The following DAB1 variants were observed in gnomAD, a reference collection of about 807,000 sequenced individuals.
DAB1 encodes the protein DAB adaptor protein 1.
Under a neutral mutation model 64.6 loss-of-function variants are expected in DAB1, and 15 were observed. That is an observed-to-expected ratio of 0.23 (90% CI 0.16 to 0.36). The LOEUF is 0.36. DAB1 is among the 10% of genes least tolerant of loss of function. The pLI is 1.00. For synonymous variants in DAB1, 235 were observed against 251.9 expected (o/e 0.93, Z 0.64); for missense variants, 596 against 706.7 (o/e 0.84, Z 1.78).
At chr1:58,538,765 A>G (rs766260183) in intron 1 of DAB1, 1 of 724,080 alleles carries the variant, frequency 1.4e-6, no homozygotes, top group South Asian at 2.1e-5. Flanking sequence ...AAGTTAATAT[A>G]AAAGTTTTTA....
chr1:57,110,423 T>C (rs1655552087), intron 4 of DAB1, among the ~76,000 whole-genome samples: 1 of 152,216 alleles, frequency 6.6e-6, no homozygotes, highest in South Asian at 2.1e-4. Flanking sequence ...CTCAACTCTT[T>C]AACATCTGTT....
intron 5 of DAB1, among the ~76,000 whole-genome samples, chr1:57,952,034 T>C (rs1210773242): frequency 1.3e-5 from 2 of 152,208 alleles, no homozygotes; most frequent in Admixed American, 1.3e-4. Flanking sequence ...CATTCATTCT[T>C]TCTTCCTTTT....
intron 4 of DAB1, among the ~76,000 whole-genome samples, chr1:58,165,701 A>T (rs1423993620): frequency 6.6e-6 from 1 of 152,178 alleles, no homozygotes; most frequent in Non-Finnish European, 1.5e-5. Context: ...AACCAACTAA[A>T]ATTTTGTAGA....
chr1:58,456,675 G>T (rs914250807), intron 3 of DAB1, among the ~76,000 whole-genome samples: 1 of 152,146 alleles, frequency 6.6e-6, no homozygotes, highest in African/African-American at 2.4e-5. Context: ...CACAAATCTC[G>T]AAAATATCCA....
chr1:58,043,456 G>A (rs955822658), intron 5 of DAB1, among the ~76,000 whole-genome samples: 4 of 152,084 alleles, frequency 2.6e-5, no homozygotes, highest in African/African-American at 9.7e-5. Context: ...TACATGGATC[G>A]ATACCTTTAC....
intron 9 of DAB1, among the ~76,000 whole-genome samples, chr1:57,061,469 C>A (rs1650394077): frequency 6.6e-6 from 1 of 152,176 alleles, no homozygotes; most frequent in Non-Finnish European, 1.5e-5. Context: ...AAGTGGTCTG[C>A]AAGTCTTGTT....
chr1:57,184,622 C>T (rs1315100039), intron 2 of DAB1, among the ~76,000 whole-genome samples: 1 of 152,170 alleles, frequency 6.6e-6, no homozygotes, highest in Non-Finnish European at 1.5e-5. Context: ...TTCCATTTCT[C>T]CCCACCTATT....
chr1:58,262,222 T>C (rs1661062625), intron 4 of DAB1, among the ~76,000 whole-genome samples: 2 of 151,734 alleles, frequency 1.3e-5, no homozygotes, highest in Non-Finnish European at 2.9e-5. Flanking sequence ...CACTAAGGAG[T>C]GGCCAGAGAT....
chr1:58,040,423 C>G (rs1022170898), intron 5 of DAB1, among the ~76,000 whole-genome samples: 2 of 152,204 alleles, frequency 1.3e-5, no homozygotes, highest in African/African-American at 2.4e-5. Flanking sequence ...CTGGTCTCAT[C>G]TGCCGGCATC....
chr1:57,923,563 C>T (rs1207694550), intron 5 of DAB1, among the ~76,000 whole-genome samples: 1 of 152,194 alleles, frequency 6.6e-6, no homozygotes, highest in Non-Finnish European at 1.5e-5. Flanking sequence ...CTGTCCTCCA[C>T]AAAATCCCTT....
intron 9 of DAB1, among the ~76,000 whole-genome samples, chr1:57,034,369 A>C (rs1430674640): frequency 1.3e-5 from 2 of 151,664 alleles, no homozygotes; most frequent in Non-Finnish European, 2.9e-5. Context: ...CACCTCCTCC[A>C]TGAAGAGTTT....
intron 4 of DAB1, among the ~76,000 whole-genome samples, chr1:58,214,153 G>A (rs1658715922): frequency 6.6e-6 from 1 of 152,000 alleles, no homozygotes; most frequent in Non-Finnish European, 1.5e-5. Context: ...TAAACTTCTG[G>A]CTCTGTGACC....
At chr1:57,300,553 T>A (rs1250866985) in intron 1 of DAB1, among the ~76,000 whole-genome samples, 2 of 152,136 alleles carry the variant, frequency 1.3e-5, no homozygotes, top group African/African-American at 2.4e-5. Context: ...ACGTAATCAA[T>A]CCTGGGAACT....
At chr1:57,426,859 A>AATATCTATATATATATATATATATATAT (rs1685303929), upstream of DAB1, among the ~76,000 whole-genome samples, 1 of 122,792 alleles carries the variant, frequency 8.1e-6, no homozygotes, top group Non-Finnish European at 1.8e-5. Context: ...TAAATGAGAT[A>AATATCTATATATATATATATATATATAT]ATATATATAT....
chr1:57,045,160 G>C (rs1413131442), intron 9 of DAB1, among the ~76,000 whole-genome samples: 1 of 152,304 alleles, frequency 6.6e-6, no homozygotes, highest in South Asian at 2.1e-4. Flanking sequence ...AAGACGACCT[G>C]TGTTTTAAGA....
intron 2 of DAB1, among the ~76,000 whole-genome samples, chr1:57,175,352 G>A (rs1206547882): frequency 1.3e-5 from 2 of 149,374 alleles, no homozygotes; most frequent in Non-Finnish European, 3.0e-5. Context: ...CAAACTACAG[G>A]TTCCAATCTT....
chr1:57,071,313 C>T (rs1473664432), intron 6 of DAB1: 16 of 684,314 alleles, frequency 2.3e-5, no homozygotes, highest in African/African-American at 3.6e-5. Flanking sequence ...TCTCTGGATT[C>T]GAGATTTCAC....
At chr1:57,690,257 C>T (rs918127054) in intron 6 of DAB1, among the ~76,000 whole-genome samples, 1 of 152,114 alleles carries the variant, frequency 6.6e-6, no homozygotes, top group Non-Finnish European at 1.5e-5. Context: ...GATTTCCTTT[C>T]TTTGGGTATT....
intron 5 of DAB1, among the ~76,000 whole-genome samples, chr1:57,979,335 G>A (rs1312640541): frequency 6.6e-6 from 1 of 152,052 alleles, no homozygotes; most frequent in Non-Finnish European, 1.5e-5. Context: ...AACACCACAT[G>A]TTCTCACTCA....
Sources: gnomAD v4.1 joint callset for allele counts (sites outside exome capture counted in the v4.1 genomes callset) on GRCh38, gnomAD v4.1.1 for gene constraint, MANE v1.5 for transcripts, NCBI Gene and HGNC (gene_info 2026-07-23, HGNC 2026-07-21) for gene names.